The following MSI2 variants were observed in gnomAD, a reference collection of about 807,000 sequenced individuals.
MSI2 encodes the protein musashi RNA binding protein 2.
MSI2 carries 17 observed loss-of-function variants against 45.6 expected under a neutral mutation model. The observed-to-expected ratio is 0.37, with a 90% confidence interval of 0.26 to 0.56. The LOEUF is 0.56. Ranked by LOEUF, MSI2 falls within the 20% of genes least tolerant of loss-of-function variation. The probability of loss-of-function intolerance (pLI) is 0.77; values close to 1 mark genes in which losing one functional copy is unlikely to be tolerated. For missense variants in MSI2, 293 were observed against 444.2 expected, an observed-to-expected ratio of 0.66 and a Z score of 3.06; for synonymous variants, 156 against 158.2, an observed-to-expected ratio of 0.99 and a Z score of 0.11.
At chr17:57,650,053 G>C (rs561616559) in intron 10 of MSI2, among the ~76,000 whole-genome samples, 1 of 152,270 alleles carries the variant, frequency 6.6e-6, no homozygotes, top group East Asian at 1.9e-4. Flanking sequence ...CCTCCAGCAG[G>C]AGCCTTTATT....
At chr17:57,284,900 C>CT (rs112263860) in intron 5 of MSI2, among the ~76,000 whole-genome samples, 1,718 of 140,284 alleles carry the variant, frequency 0.012, 32 homozygotes, top group African/African-American at 0.039. Context: ...TTAAAATGAC[C>CT]TTTTTTTTTT....
At position 57,505,465 on chromosome 17, in the gene MSI2, C is replaced by T. The variant is rs759941448; in HGVS notation, c.406-24211C>T. Reference sequence around the variant, plus strand: ...AGGTATATTCTTACATTTTCCTTGACGTGTTTTCCTATTTAATAAAAAGGG... The same window carrying T: ...AGGTATATTCTTACATTTTCCTTGATGTGTTTTCCTATTTAATAAAAAGGG... On this transcript the variant is annotated intron_variant, in intron 6 of 13. Coordinates refer to ENST00000284073, the MANE Select transcript of MSI2 (RefSeq NM_138962.4). 3.9e-5 allele frequency among the ~76,000 whole-genome samples: 6 copies of T among 152,092 alleles called. No individual in the cohort carries two copies. In the South Asian group the frequency reaches 6.2e-4, roughly 16 times the overall value.
intron 6 of MSI2, among the ~76,000 whole-genome samples, chr17:57,512,964 CTTCCTTTTTT>C (rs1567869549): frequency 2.3e-5 from 1 of 44,266 alleles, no homozygotes; most frequent in Non-Finnish European, 4.5e-5. Context: ...GAATTAGCTT[CTTCCTTTTTT>C]TTTTTTTTTT....
At chr17:57,574,686 C>G (rs763125616) in intron 7 of MSI2, among the ~76,000 whole-genome samples, 1 of 152,184 alleles carries the variant, frequency 6.6e-6, no homozygotes, top group Non-Finnish European at 1.5e-5. Flanking sequence ...GGGTCTCTCT[C>G]TGAGTGTGGG....
At chr17:57,395,368 G>T (rs575220077) in intron 5 of MSI2, among the ~76,000 whole-genome samples, 18 of 152,336 alleles carry the variant, frequency 1.2e-4, no homozygotes, top group African/African-American at 4.1e-4. Context: ...CCTAGAAACA[G>T]TTGGAGAAGA....
intron 5 of MSI2, among the ~76,000 whole-genome samples, chr17:57,365,946 T>C (rs949890310): frequency 6.6e-6 from 1 of 152,136 alleles, no homozygotes; most frequent in African/African-American, 2.4e-5. Context: ...AGAGTCTCGC[T>C]CTGTCACCCA....
At chr17:57,301,488 A>C (rs1403145672) in intron 5 of MSI2, among the ~76,000 whole-genome samples, 1 of 152,238 alleles carries the variant, frequency 6.6e-6, no homozygotes, top group Non-Finnish European at 1.5e-5. Context: ...GAATATTACC[A>C]ATACCTTTGA....
chr17:57,307,189 A>G (rs545277660), intron 5 of MSI2, among the ~76,000 whole-genome samples: 8 of 152,306 alleles, frequency 5.3e-5, no homozygotes, highest in South Asian at 4.1e-4. Context: ...ATGGTGCCCA[A>G]TTGTTTGGTG....
intron 5 of MSI2, among the ~76,000 whole-genome samples, chr17:57,331,510 G>C (rs149293306): frequency 6.6e-6 from 1 of 152,206 alleles, no homozygotes; most frequent in Non-Finnish European, 1.5e-5. Flanking sequence ...GGTGAGCCAC[G>C]TGAGGGTTGA....
At chr17:57,564,091 C>T (rs2087667309) in intron 7 of MSI2, among the ~76,000 whole-genome samples, 1 of 152,230 alleles carries the variant, frequency 6.6e-6, no homozygotes. Context: ...GTGCTCAAGA[C>T]ACAAAGGCCC....
At chr17:57,297,188 G>GTT (rs61324365) in intron 5 of MSI2, among the ~76,000 whole-genome samples, 1,521 of 115,172 alleles carry the variant, frequency 0.013, 80 homozygotes, top group Admixed American at 0.12. Flanking sequence ...GTTTTTTTTT[G>GTT]TTTTTTTTTT....
At chr17:57,446,813 G>A (rs555103836) in intron 6 of MSI2, among the ~76,000 whole-genome samples, 20 of 152,160 alleles carry the variant, frequency 1.3e-4, no homozygotes, top group African/African-American at 2.4e-4. Flanking sequence ...GAACCCACAC[G>A]GACAAAAGGC....
chr17:57,503,739 TTTTG>T (rs537375515), intron 6 of MSI2, among the ~76,000 whole-genome samples: 60 of 150,740 alleles, frequency 4.0e-4, no homozygotes, highest in African/African-American at 1.4e-3. Flanking sequence ...AGAGAGTTGT[TTTTG>T]TTTGTTTGTT....
intron 7 of MSI2, among the ~76,000 whole-genome samples, chr17:57,569,836 A>T (rs2144301627): frequency 6.6e-6 from 1 of 152,288 alleles, no homozygotes; most frequent in Admixed American, 6.5e-5. Context: ...TCCTGGCTGA[A>T]ATGACCAGTT....
rs1843421578 is a variant in MSI2, at chr17:57,497,992, A to G, written c.406-31684A>G. Among the ~76,000 whole-genome samples, 5 of 152,338 alleles carry G rather than the reference A, an allele frequency of 3.3e-5. No individual in the cohort carries two copies. The Middle Eastern group carries it at 0.01, about 311-fold the overall frequency. ...ACCTCAAATTAAATTAGAGCCAAAA[A>G]GGGAACATGTGGGATTTTCTTCACA... On this transcript the variant is annotated intron_variant, in intron 6 of 13. Coordinates refer to ENST00000284073, the MANE Select transcript of MSI2 (RefSeq NM_138962.4).
At chr17:57,319,119 G>A (rs59381849) in intron 5 of MSI2, among the ~76,000 whole-genome samples, 4 of 152,348 alleles carry the variant, frequency 2.6e-5, no homozygotes, top group African/African-American at 4.8e-5. Flanking sequence ...TGCAGAGCAG[G>A]GCCTTCTGAC....
chr17:57,342,414 G>A (rs1051472223), intron 5 of MSI2, among the ~76,000 whole-genome samples: 47 of 152,282 alleles, frequency 3.1e-4, no homozygotes, highest in African/African-American at 1.0e-3. Flanking sequence ...GAAAGCCAGG[G>A]AGCACTGGAG....
At chr17:57,302,015 C>A (rs7207879) in intron 5 of MSI2, among the ~76,000 whole-genome samples, 30,260 of 152,098 alleles carry the variant, frequency 0.2, 3,083 homozygotes, top group Admixed American at 0.24. Context: ...AGACTTAAAA[C>A]ATTTTTTCCA....
chr17:57,496,647 G>A (rs75428450), intron 6 of MSI2, among the ~76,000 whole-genome samples: 195 of 152,316 alleles, frequency 1.3e-3, no homozygotes, highest in African/African-American at 4.4e-3. Flanking sequence ...CGCAGGAGGC[G>A]GGAGTGTTGC....
Sources: allele counts gnomAD v4.1 joint callset (sites outside exome capture counted in the v4.1 genomes callset), GRCh38; gene constraint gnomAD v4.1.1; transcripts MANE v1.5; gene names NCBI Gene and HGNC (gene_info 2026-07-23, HGNC 2026-07-21).